Variants in AMELX observed in about 807,000 individuals in gnomAD.
The protein encoded by AMELX is amelogenin X-linked.
A neutral mutation model predicts 15.8 loss-of-function variants in AMELX; 9 were observed. That is an observed-to-expected ratio of 0.57 (90% CI 0.34 to 0.99). AMELX has a LOEUF of 0.99. Ranked by LOEUF, AMELX falls within the 50% of genes least tolerant of loss-of-function variation. The probability of loss-of-function intolerance (pLI) is 0.02; values close to 1 mark genes in which losing one functional copy is unlikely to be tolerated. For missense variants in AMELX, 107 were observed against 156.2 expected (o/e 0.68, Z 1.68); for synonymous variants, 61 against 58.8 (o/e 1.04, Z -0.17).
intron 3 of AMELX, among the ~76,000 whole-genome samples, chrX:11,297,682 A>G (rs952610500): frequency 8.9e-6 from 1 of 112,017 alleles, no homozygotes; most frequent in Non-Finnish European, 1.9e-5. Flanking sequence ...GCTGAAGACA[A>G]ATGTTAGTAA....
chrX:11,305,990 AAGGCACTTCTGAAGTG>A, the AMELX span, among the ~76,000 whole-genome samples: 4 of 111,669 alleles, frequency 3.6e-5, no homozygotes, highest in African/African-American at 1.3e-4. Flanking sequence ...TAACCAACTC[AAGGCACTTCTGAAGTG>A]AGGATCTCCC....
At chrX:11,297,593 A>G (rs959443410) in intron 3 of AMELX, among the ~76,000 whole-genome samples, 1 of 112,151 alleles carries the variant, frequency 8.9e-6, no homozygotes, top group African/African-American at 3.2e-5. Context: ...CCAAGTATAT[A>G]TACTGTTCAG....
chrX:11,306,722 G>T, the AMELX span, among the ~76,000 whole-genome samples: 2 of 112,306 alleles, frequency 1.8e-5, no homozygotes, highest in East Asian at 5.6e-4. Flanking sequence ...ACAATCTATA[G>T]CTATTTTTAA....
chrX:11,297,525 T>G (rs1436124189), intron 3 of AMELX, among the ~76,000 whole-genome samples: 1 of 112,503 alleles, frequency 8.9e-6, no homozygotes, highest in African/African-American at 3.2e-5. Flanking sequence ...TACTGATTAT[T>G]TTTTGTATCG....
chrX:11,297,167 A>G (rs2048100128), intron 3 of AMELX, among the ~76,000 whole-genome samples: 1 of 112,228 alleles, frequency 8.9e-6, no homozygotes, highest in Non-Finnish European at 1.9e-5. Flanking sequence ...AGGATTAGGT[A>G]AGATGTTATT....
At chrX:11,294,586 T>G (rs1463491056) in intron 1 of AMELX, among the ~76,000 whole-genome samples, 191 bp from the exon 2 acceptor site, 1 of 112,327 alleles carries the variant, frequency 8.9e-6, no homozygotes, top group African/African-American at 3.2e-5. Flanking sequence ...TCTTTATCAC[T>G]ACTGTGACTC....
chrX:11,295,022 C>T (rs961706717), intron 2 of AMELX, among the ~76,000 whole-genome samples, 180 bp downstream of exon 2: 3 of 112,018 alleles, frequency 2.7e-5, no homozygotes, highest in African/African-American at 9.7e-5. Flanking sequence ...TCAAATGCCG[C>T]TACCAAAAAT....
Position 11,298,826 on chromosome X carries a change from G to A in AMELX, c.423G>A (p.Gln141=). Residue 141 remains glutamine (Q), a synonymous_variant, in exon 5 of 6, where the codon CAG becomes CAA. Transcript: ENST00000380714. ...PVQPQPHQPM[Q]PQPPVHPMQP... ...AGCCACAGCCTCACCAGCCCATGCA[G>A]CCCCAGCCACCTGTGCACCCCATGC... 1 of 1,210,641 alleles carries A rather than the reference G, an allele frequency of 8.3e-7. No individual in the cohort carries two copies.
the AMELX span, among the ~76,000 whole-genome samples, chrX:11,309,397 A>G: frequency 0.35 from 37,875 of 107,693 alleles, 6,023 homozygotes; most frequent in African/African-American, 0.58. Context: ...GGAGCCGGCC[A>G]GGCAGTCTCC....
chrX:11,298,432 G>T, intron 4 of AMELX, 116 bp from the exon 5 acceptor site: 5 of 1,150,154 alleles, frequency 4.3e-6, no homozygotes, highest in Non-Finnish European at 5.9e-6. Context: ...ACAAATTTTT[G>T]CAAAGGAAAA....
At chrX:11,294,583 C>T (rs538583130) in intron 1 of AMELX, among the ~76,000 whole-genome samples, 194 bp from the exon 2 acceptor site, 2 of 112,224 alleles carry the variant, frequency 1.8e-5, no homozygotes, top group South Asian at 7.5e-4. Context: ...GCATCTTTAT[C>T]ACTACTGTGA....
intron 2 of AMELX, among the ~76,000 whole-genome samples, chrX:11,295,412 C>T (rs1041912150): frequency 1.8e-5 from 2 of 110,976 alleles, no homozygotes; most frequent in East Asian, 5.6e-4. Context: ...TGTGGTTGCC[C>T]GGGATCCTGC....
At chrX:11,308,888 G>A in the AMELX span, among the ~76,000 whole-genome samples, 2 of 112,142 alleles carry the variant, frequency 1.8e-5, no homozygotes, top group African/African-American at 3.2e-5. Flanking sequence ...ACTATGATTT[G>A]CTCTGAACTT....
chrX:11,299,563 G>C (rs1222172720), intron 5 of AMELX, among the ~76,000 whole-genome samples: 1 of 112,170 alleles, frequency 8.9e-6, no homozygotes, highest in Non-Finnish European at 1.9e-5. Context: ...TAAGCTTTTA[G>C]CAAGAAGTTA....
At chrX:11,305,067 C>T (rs909761778), downstream of AMELX, among the ~76,000 whole-genome samples, 6 of 110,324 alleles carry the variant, frequency 5.4e-5, no homozygotes, top group African/African-American at 1.6e-4. Context: ...ATCACAGGCG[C>T]GAGCCACTGC....
At chrX:11,303,979 C>T (rs139517430), downstream of AMELX, among the ~76,000 whole-genome samples, 3,499 of 111,953 alleles carry the variant, frequency 0.031, 152 homozygotes, top group African/African-American at 0.11. Context: ...AGAGCTTTGT[C>T]CTGCCTCTGT....
chrX:11,296,695 A>T, intron 2 of AMELX, 84 bp from the exon 3 acceptor site: 2 of 1,034,122 alleles, frequency 1.9e-6, no homozygotes, highest in Admixed American at 2.3e-5. Flanking sequence ...TTGCATACTG[A>T]CTTAATCTCT....
At chrX:11,307,218 C>G in the AMELX span, among the ~76,000 whole-genome samples, 11 of 111,314 alleles carry the variant, frequency 9.9e-5, no homozygotes, top group Admixed American at 4.8e-4. Flanking sequence ...TGAACACACA[C>G]TCAACGCATA....
intron 5 of AMELX, among the ~76,000 whole-genome samples, chrX:11,300,078 C>T (rs1603042219): frequency 8.9e-6 from 1 of 111,868 alleles, no homozygotes; most frequent in East Asian, 2.8e-4. Flanking sequence ...TAATCGGTGC[C>T]TATCATTGGC....
Sources: gnomAD v4.1 joint callset for allele counts (sites outside exome capture counted in the v4.1 genomes callset) on GRCh38, gnomAD v4.1.1 for gene constraint, MANE v1.5 for transcripts, NCBI Gene and HGNC (gene_info 2026-07-23, HGNC 2026-07-21) for gene names.